AHCYL2: variants seen among roughly 807,000 people sequenced by gnomAD.
AHCYL2 encodes the protein S-adenosylhomocysteine hydrolase-like protein 2.
In AHCYL2, 28 loss-of-function variants were observed where a neutral mutation model predicts 81.4. The observed-to-expected ratio is 0.34, with a 90% CI of 0.25 to 0.47. The LOEUF (loss-of-function observed/expected upper bound fraction) is 0.47, where lower values mean the gene tolerates loss of function less well. AHCYL2 is among the 20% of genes least tolerant of loss of function. The probability of loss-of-function intolerance (pLI) is 1.00; values close to 1 mark genes in which losing one functional copy is unlikely to be tolerated. For synonymous variants in AHCYL2, 272 were observed against 290.2 expected, an observed-to-expected ratio of 0.94 and a Z score of 0.64; for missense variants, 551 against 785.1, an observed-to-expected ratio of 0.70 and a Z score of 3.56.
At chr7:129,309,904 C>T (rs1797590839) in intron 1 of AHCYL2, among the ~76,000 whole-genome samples, 1 of 152,108 alleles carries the variant, frequency 6.6e-6, no homozygotes, top group Non-Finnish European at 1.5e-5. Context: ...GTCTCATTGT[C>T]ATACAACCCA....
chr7:129,259,167 C>A (rs1385833071), intron 1 of AHCYL2, among the ~76,000 whole-genome samples: 1 of 152,050 alleles, frequency 6.6e-6, no homozygotes, highest in Non-Finnish European at 1.5e-5. Flanking sequence ...CACTCAGCAC[C>A]AAGTCTCTGA....
chr7:129,314,007 G>T (rs1191120923), intron 1 of AHCYL2, among the ~76,000 whole-genome samples: 1 of 152,188 alleles, frequency 6.6e-6, no homozygotes, highest in Non-Finnish European at 1.5e-5. Flanking sequence ...AACTAAAAAG[G>T]AGTCGAGATC....
At chr7:129,389,331 G>T (rs1795352767) in intron 3 of AHCYL2, 132 bp downstream of exon 3, 11 of 1,035,996 alleles carry the variant, frequency 1.1e-5, no homozygotes, top group African/African-American at 6.8e-5. Context: ...CAAAAGAAAT[G>T]TGAGTTCAAG....
At chr7:129,278,763 C>CTTTTTT (rs36037913) in intron 1 of AHCYL2, among the ~76,000 whole-genome samples, 6 of 111,374 alleles carry the variant, frequency 5.4e-5, no homozygotes, top group Admixed American at 9.6e-5. Flanking sequence ...TATTGAAGCT[C>CTTTTTT]TTTTTTTTTT....
chr7:129,377,328 C>G (rs182549344), intron 1 of AHCYL2, among the ~76,000 whole-genome samples: 2 of 152,252 alleles, frequency 1.3e-5, no homozygotes, highest in East Asian at 3.9e-4. Flanking sequence ...TCATCTTTGT[C>G]ATTTTTTTTA....
At position 129,406,769 on chromosome 7, in the gene AHCYL2, T is replaced by C. The variant is rs1796326862; in HGVS notation, c.1295+303T>C. On this transcript the variant is annotated intron_variant, in intron 10 of 16. Coordinates refer to ENST00000325006, the MANE Select transcript of AHCYL2 (RefSeq NM_015328.4). The surrounding 1 kb of genome is among the most constrained non-coding windows in gnomAD (Gnocchi z 4.3). ...TTCAAATAATGATCAGAAAAGAAAT[T>C]GGCAGGCATCAGATGCCTTCTGATG... Among the ~76,000 whole-genome samples the C allele has an allele frequency of 6.6e-6, 1 of 152,172 alleles. No homozygotes were observed. Among genetic ancestry groups the C allele is most frequent in the African/African-American group, 2.4e-5 (1 of 41,448 alleles).
chr7:129,225,510 C>T, intron 1 of AHCYL2, 71 bp downstream of exon 1: 3 of 1,415,356 alleles, frequency 2.1e-6, no homozygotes, highest in Non-Finnish European at 2.8e-6. Flanking sequence ...CTCGGCACGG[C>T]GGCACCACCC....
intron 6 of AHCYL2, among the ~76,000 whole-genome samples, chr7:129,402,439 A>G (rs543263286): frequency 4.6e-5 from 7 of 152,244 alleles, no homozygotes; most frequent in African/African-American, 1.7e-4. Flanking sequence ...AATTGATGAG[A>G]CTGCAAGATG....
At chr7:129,267,230 GGTGT>G (rs769745702) in intron 1 of AHCYL2, among the ~76,000 whole-genome samples, 21 of 59,214 alleles carry the variant, frequency 3.5e-4, no homozygotes, top group East Asian at 2.5e-3. Context: ...TCACTCAAGG[GGTGT>G]GTGTGTGTGT....
chr7:129,374,490 A>C (rs1483687750), intron 1 of AHCYL2, among the ~76,000 whole-genome samples: 3 of 151,870 alleles, frequency 2.0e-5, no homozygotes, highest in Non-Finnish European at 4.4e-5. Context: ...CTCTCTCTAA[A>C]TAAAGATTAT....
chr7:129,353,167 C>G (rs187475441), intron 1 of AHCYL2, among the ~76,000 whole-genome samples: 1 of 151,986 alleles, frequency 6.6e-6, no homozygotes, highest in Admixed American at 6.5e-5. Context: ...AGGCTGGTCT[C>G]GAACTCCTGA....
chr7:129,293,890 G>C (rs992446141), intron 1 of AHCYL2, among the ~76,000 whole-genome samples: 2 of 152,138 alleles, frequency 1.3e-5, no homozygotes, highest in African/African-American at 4.8e-5. Context: ...GATGTGATTT[G>C]TTCCAAACTA....
At position 129,405,096 on chromosome 7, in the gene AHCYL2, G is replaced by T; in HGVS notation, c.1026-1G>T. On this transcript the variant is annotated splice_acceptor_variant, in intron 7 of 16. Transcript: ENST00000325006. LOFTEE classifies it high-confidence loss of function. Reference sequence around the variant, plus strand: ...TTGTTCTTGGCTTCCCTCATCCTCAGGCTGTACCAACTGTCCAAAGCTGGG... The same window carrying T: ...TTGTTCTTGGCTTCCCTCATCCTCATGCTGTACCAACTGTCCAAAGCTGGG... 1 of 1,591,412 alleles carries T rather than the reference G, an allele frequency of 6.3e-7. No individual in the cohort carries two copies. Among genetic ancestry groups the T allele is most frequent in the South Asian group, 1.1e-5 (1 of 88,242 alleles).
chr7:129,326,847 C>A (rs534194476), intron 1 of AHCYL2, among the ~76,000 whole-genome samples: 22 of 152,032 alleles, frequency 1.4e-4, no homozygotes, highest in Non-Finnish European at 2.6e-4. Flanking sequence ...TGCAGAGAGG[C>A]AAGGACTGGA....
At chr7:129,333,207 C>T (rs1319593396) in intron 1 of AHCYL2, among the ~76,000 whole-genome samples, 2 of 150,936 alleles carry the variant, frequency 1.3e-5, no homozygotes, top group Admixed American at 6.6e-5. Flanking sequence ...CGGTGGCTCA[C>T]GCCTGTAATC....
chr7:129,308,911 T>C (rs1008040065), intron 1 of AHCYL2, among the ~76,000 whole-genome samples: 4 of 152,182 alleles, frequency 2.6e-5, no homozygotes, highest in Admixed American at 2.6e-4. Flanking sequence ...GGAAGATAAC[T>C]ATTTTAAAAC....
rs754389237 is a variant in AHCYL2 at position 129,225,142 on chromosome 7, G to C, written c.66G>C (p.Leu22=). Residue 22 remains leucine (L), a synonymous_variant, in exon 1 of 17, where the codon CTG becomes CTC. Transcript: ENST00000325006. The stretch of plus-strand genomic sequence containing the variant: ...TGCCTGAGGTGGAGCTGAAGGACCT[G>C]AGCCCCTCCGAGGCGGAGTCGCAAC... ...AKVPEVELKD[L]SPSEAESQLG... The C allele has an allele frequency of 6.2e-7, 1 of 1,601,788 alleles. No individual in the cohort carries two copies. Among genetic ancestry groups the C allele is most frequent in the Non-Finnish European group, 8.5e-7 (1 of 1,175,702 alleles).
intron 1 of AHCYL2, among the ~76,000 whole-genome samples, chr7:129,229,418 A>T (rs903169568): frequency 3.9e-5 from 6 of 152,146 alleles, no homozygotes; most frequent in African/African-American, 4.8e-5. Context: ...ATACTATGAG[A>T]TGTAGGTGGC....
At chr7:129,362,966 C>G (rs570456485) in intron 1 of AHCYL2, among the ~76,000 whole-genome samples, 9 of 152,202 alleles carry the variant, frequency 5.9e-5, no homozygotes, top group African/African-American at 2.2e-4. Flanking sequence ...CCCTTTGGCC[C>G]TAAGCACATA....
Sources: gnomAD v4.1 joint callset for allele counts (sites outside exome capture counted in the v4.1 genomes callset) on GRCh38, gnomAD v4.1.1 for gene constraint, Gnocchi (gnomAD v3.1) non-coding constraint, MANE v1.5 for transcripts, NCBI Gene and HGNC (gene_info 2026-07-23, HGNC 2026-07-21) for gene names.